The following DOCK1 variants were observed in gnomAD, a reference collection of about 807,000 sequenced individuals.
The protein encoded by DOCK1 is dedicator of cytokinesis 1.
A neutral mutation model predicts 262.7 loss-of-function variants in DOCK1; 138 were observed. That is an observed-to-expected ratio of 0.53 (90% CI 0.46 to 0.61). The LOEUF is 0.61. Ranked by LOEUF, DOCK1 falls within the 20% of genes least tolerant of loss-of-function variation. The pLI, the probability that DOCK1 is intolerant of heterozygous loss-of-function variation, is 0.00. For missense variants in DOCK1, 1,908 were observed against 2,370.7 expected (o/e 0.80, Z 4.05); for synonymous variants, 866 against 867.4 (o/e 1.00, Z 0.03).
chr10:126,909,483 T>C (rs2031439973), intron 1 of DOCK1, among the ~76,000 whole-genome samples: 1 of 152,144 alleles, frequency 6.6e-6, no homozygotes, highest in Admixed American at 6.5e-5. Context: ...ATACAGATGA[T>C]GGGAGAGAAG....
At chr10:127,137,910 T>C in intron 27 of DOCK1, 1 of 1,614,044 alleles carries the variant, frequency 6.2e-7, no homozygotes, top group Non-Finnish European at 8.5e-7. Flanking sequence ...AGTTGAGGAG[T>C]AAGTCTCCTG....
intron 29 of DOCK1, among the ~76,000 whole-genome samples, chr10:127,283,580 T>C (rs554285661): frequency 6.6e-6 from 1 of 152,362 alleles, no homozygotes; most frequent in African/African-American, 2.4e-5. Context: ...CTTCCCAGTT[T>C]GGTTTTCTGC....
At chr10:126,960,621 G>C (rs2037118629) in intron 1 of DOCK1, among the ~76,000 whole-genome samples, 1 of 151,018 alleles carries the variant, frequency 6.6e-6, no homozygotes, top group Non-Finnish European at 1.5e-5. Context: ...GTTTGGTTTG[G>C]CAAGAACTCA....
rs1409161195 is a variant in DOCK1 at position 127,023,277 on chromosome 10, G to A, written c.1405G>A (p.Val469Met). Residue 469 changes from valine to methionine, a missense_variant, in exon 14 of 52, where the codon GTG becomes ATG. Physicochemically the swap from Val to Met is conservative, Grantham distance 21 (BLOSUM62 1). Transcript: ENST00000623213. ...AGGAAGCAAAACAACAGCGAAGAACGTGGAGGTCACGGTGTCTGTGTACGA... is the reference window on the plus strand; with the variant it reads ...AGGAAGCAAAACAACAGCGAAGAACATGGAGGTCACGGTGTCTGTGTACGA... ...DKGSKTTAKN[V>M]EVTVSVYDED... is the part of the protein sequence containing the mutation. 5.0e-6 allele frequency: 8 copies of A among 1,613,858 alleles called. No individual in the cohort carries two copies. The highest frequency in any genetic ancestry group is 4.5e-5 in the East Asian group (2 of 44,884).
Position 127,439,067 on chromosome 10 carries a change from A to G in DOCK1, c.5101A>G (p.Arg1701Gly). Residue 1701 changes from arginine (R) to glycine (G), a missense_variant, in exon 49 of 52, where the codon AGG becomes GGG. Around this residue, in one of 9 missense-constraint regions of DOCK1, gnomAD observed 383 missense variants for 420.1 expected, o/e 0.91. Transcript: ENST00000623213. ...TCTCCTGCCAAAGAAAATGCACTCCAGGTCCCAGGACAAGCTGGACAAGGA... is the reference window on the plus strand; with the variant it reads ...TCTCCTGCCAAAGAAAATGCACTCCGGGTCCCAGGACAAGCTGGACAAGGA... ...EPLLPKKMHS[R>G]SQDKLDKDDL... 2 of 1,556,006 alleles carry G rather than the reference A, an allele frequency of 1.3e-6. No individual in the cohort carries two copies. Among genetic ancestry groups the G allele is most frequent in the Non-Finnish European group, 1.7e-6 (2 of 1,149,336 alleles).
chr10:127,041,934 CA>C (rs142269781), intron 19 of DOCK1, among the ~76,000 whole-genome samples: 3,013 of 152,294 alleles, frequency 0.02, 49 homozygotes, highest in Middle Eastern at 0.075. Context: ...GTCCGTCTTA[CA>C]TTTCCTGCAG....
At chr10:127,036,997 A>AAG (rs1554871156) in intron 18 of DOCK1, among the ~76,000 whole-genome samples, 1 of 137,734 alleles carries the variant, frequency 7.3e-6, no homozygotes. Context: ...AAAAAAAAAA[A>AAG]GAAAAAGAAT....
At chr10:127,445,839 G>C (rs1591093069) in intron 50 of DOCK1, among the ~76,000 whole-genome samples, 1 of 152,272 alleles carries the variant, frequency 6.6e-6, no homozygotes, top group South Asian at 2.1e-4. Flanking sequence ...GTAGAAAGGA[G>C]TGAAGTTCTG....
At chr10:127,314,691 C>T (rs1208396599) in intron 29 of DOCK1, among the ~76,000 whole-genome samples, 1 of 152,186 alleles carries the variant, frequency 6.6e-6, no homozygotes, top group African/African-American at 2.4e-5. Flanking sequence ...ATCCCAGAAG[C>T]ATATTCATGG....
chr10:127,310,036 C>A (rs1443211490), intron 29 of DOCK1, among the ~76,000 whole-genome samples: 1 of 152,106 alleles, frequency 6.6e-6, no homozygotes, highest in Admixed American at 6.6e-5. Flanking sequence ...CCACCACACC[C>A]AGCAATTTTT....
chr10:127,115,362 G>A (rs1211472538), intron 25 of DOCK1, among the ~76,000 whole-genome samples: 2 of 152,104 alleles, frequency 1.3e-5, no homozygotes, highest in African/African-American at 2.4e-5. Context: ...GCTTTGTCTC[G>A]CCATGTGACT....
chr10:127,349,223 C>T (rs569241539), intron 31 of DOCK1, among the ~76,000 whole-genome samples: 7 of 152,018 alleles, frequency 4.6e-5, no homozygotes, highest in African/African-American at 1.4e-4. Flanking sequence ...CCACCCACTC[C>T]GATGCTGGCT....
At chr10:126,968,616 G>C (rs2134646463) in intron 1 of DOCK1, among the ~76,000 whole-genome samples, 1 of 152,296 alleles carries the variant, frequency 6.6e-6, no homozygotes, top group Non-Finnish European at 1.5e-5. Context: ...ATTTACCCTT[G>C]ATGTGCTCAT....
At chr10:126,996,962 C>T (rs2040243377) in intron 7 of DOCK1, 79 bp downstream of exon 7, 2 of 1,423,234 alleles carry the variant, frequency 1.4e-6, no homozygotes, top group African/African-American at 2.9e-5. Flanking sequence ...CAGTCAAGCC[C>T]AAAATTGTCA....
At chr10:127,240,010 G>A (rs936101808) in intron 27 of DOCK1, among the ~76,000 whole-genome samples, 2 of 152,006 alleles carry the variant, frequency 1.3e-5, no homozygotes, top group African/African-American at 2.4e-5. Context: ...GGTAATTTAA[G>A]ATCCAGATAT....
At chr10:127,384,354 A>G (rs1156315760) in intron 37 of DOCK1, among the ~76,000 whole-genome samples, 3 of 152,146 alleles carry the variant, frequency 2.0e-5, no homozygotes, top group African/African-American at 4.8e-5. Context: ...GGAGCTTGAC[A>G]GCCTTTCTAG....
intron 23 of DOCK1, among the ~76,000 whole-genome samples, chr10:127,066,567 CT>C (rs1481677765): frequency 6.6e-6 from 1 of 152,152 alleles, no homozygotes; most frequent in Non-Finnish European, 1.5e-5. Context: ...CTCTCCAAGC[CT>C]TTTTCCCTCG....
intron 29 of DOCK1, among the ~76,000 whole-genome samples, chr10:127,312,013 C>T (rs753209751): frequency 3.9e-5 from 6 of 151,970 alleles, no homozygotes; most frequent in African/African-American, 7.3e-5. Flanking sequence ...TACAGGCCCA[C>T]GCTACCACAC....
At chr10:127,289,231 C>G (rs1226405907) in intron 29 of DOCK1, among the ~76,000 whole-genome samples, 1 of 152,168 alleles carries the variant, frequency 6.6e-6, no homozygotes, top group Non-Finnish European at 1.5e-5. Flanking sequence ...AACATCAATA[C>G]TGCTTTTTAA....
Sources: gnomAD v4.1 joint callset for allele counts (sites outside exome capture counted in the v4.1 genomes callset) on GRCh38, gnomAD v4.1.1 for gene constraint, gnomAD v4.1.1 regional missense constraint, MANE v1.5 for transcripts, NCBI Gene and HGNC (gene_info 2026-07-23, HGNC 2026-07-21) for gene names.